Variants in FNIP2 observed in about 807,000 individuals in gnomAD.
FNIP2 encodes the protein folliculin interacting protein 2.
A neutral mutation model predicts 108.7 loss-of-function variants in FNIP2; 32 were observed. That is an observed-to-expected ratio of 0.29 (90% CI 0.22 to 0.40). The LOEUF (loss-of-function observed/expected upper bound fraction) is 0.40. Among genes scored for constraint, FNIP2 ranks in the 10% least tolerant of loss-of-function variants. The probability of loss-of-function intolerance (pLI) is 1.00; values close to 1 mark genes in which losing one functional copy is unlikely to be tolerated. For synonymous variants in FNIP2, 480 were observed against 496.7 expected (o/e 0.97, Z 0.45); for missense variants, 1,202 against 1,381.6 (o/e 0.87, Z 2.06).
At chr4:158,854,819 T>A (rs1485667938) in intron 8 of FNIP2, among the ~76,000 whole-genome samples, 1 of 152,186 alleles carries the variant, frequency 6.6e-6, no homozygotes, top group Non-Finnish European at 1.5e-5. Context: ...CCTCTCTGTA[T>A]GGCATTCCTT....
At position 158,872,673 on chromosome 4, in the gene FNIP2, A is replaced by G. The variant is rs1011568978; in HGVS notation, c.2949+2204A>G. On this transcript the variant is annotated intron_variant, in intron 14 of 16. Transcript: ENST00000264433. The stretch of plus-strand genomic sequence containing the variant: ...TCTAATTTCACTTGACACATTCATC[A>G]TAATGAATTTTGCTTTTGAAGTAGT... The G allele has an allele frequency of 1.6e-5, 16 of 984,880 alleles. No individual in the cohort carries two copies. The Admixed American group carries it at 4.9e-4, about 30-fold the overall frequency. 61.0% of individuals were successfully genotyped at this position (984,880 alleles called of 1,614,324 possible).
chr4:158,889,980 G>A (rs1323559666), intron 14 of FNIP2: 1 of 985,252 alleles, frequency 1.0e-6, no homozygotes, highest in Non-Finnish European at 1.2e-6. Flanking sequence ...TGTGTAAGAA[G>A]CGTAGGGGTG....
At chr4:158,825,296 T>C (rs1778091975) in intron 1 of FNIP2, among the ~76,000 whole-genome samples, 1 of 152,244 alleles carries the variant, frequency 6.6e-6, no homozygotes, top group African/African-American at 2.4e-5. Context: ...GCTTTTGGTT[T>C]GCTTAGAAAC....
intron 7 of FNIP2, among the ~76,000 whole-genome samples, chr4:158,849,617 T>G (rs1370482476): frequency 1.3e-5 from 2 of 152,096 alleles, no homozygotes; most frequent in Non-Finnish European, 2.9e-5. Flanking sequence ...CTAATTAGGA[T>G]GTTTTATTAA....
intron 1 of FNIP2, among the ~76,000 whole-genome samples, chr4:158,824,493 A>G (rs1473127032): frequency 6.6e-6 from 1 of 151,742 alleles, no homozygotes; most frequent in Non-Finnish European, 1.5e-5. Context: ...AACCGGCTCA[A>G]CTCTGTCCTC....
At chr4:158,887,071 T>C (rs1157336124) in intron 14 of FNIP2, among the ~76,000 whole-genome samples, 1 of 152,202 alleles carries the variant, frequency 6.6e-6, no homozygotes, top group Non-Finnish European at 1.5e-5. Flanking sequence ...GTTGTCAGCG[T>C]TGGGGTACAG....
chr4:158,856,495 A>G (rs1355695781), intron 8 of FNIP2, among the ~76,000 whole-genome samples: 1 of 152,232 alleles, frequency 6.6e-6, no homozygotes, highest in East Asian at 1.9e-4. Context: ...AAAAAATTGT[A>G]TGTAGCTGCA....
Position 158,807,280 on chromosome 4 carries a change from T to C in FNIP2, c.108-18636T>C, listed in dbSNP as rs577922372. Among the ~76,000 whole-genome samples the C allele has an allele frequency of 2.0e-5, 3 of 152,256 alleles. No homozygotes were observed. The South Asian group carries it at 6.2e-4, about 32-fold the overall frequency. ...TGGGAAGCTGAGGTGGGAGGATCAC[T>C]TGAGCCTAGGAGTTCAAGACTAGCC... On this transcript the variant is annotated intron_variant, in intron 1 of 16. Transcript: ENST00000264433.
intron 8 of FNIP2, among the ~76,000 whole-genome samples, chr4:158,854,268 C>T (rs532062416): frequency 3.3e-5 from 5 of 152,326 alleles, no homozygotes; most frequent in Non-Finnish European, 7.4e-5. Flanking sequence ...GGACAGGCTC[C>T]GGTGACTGAT....
At chr4:158,861,891 C>T in intron 12 of FNIP2, 115 bp downstream of exon 12, 1 of 1,243,690 alleles carries the variant, frequency 8.0e-7, no homozygotes, top group Non-Finnish European at 1.1e-6. Flanking sequence ...TGTCTTTGGG[C>T]AGATGAGGAA....
intron 13 of FNIP2, 148 bp downstream of exon 13, chr4:158,869,576 T>C (rs1449657189): frequency 3.5e-5 from 42 of 1,213,944 alleles, no homozygotes; most frequent in Non-Finnish European, 4.4e-5. Context: ...TTATTAATTC[T>C]ATACAAACGG....
intron 1 of FNIP2, 51 bp from the exon 2 acceptor site, chr4:158,825,865 A>G: frequency 1.3e-6 from 2 of 1,580,250 alleles, no homozygotes; most frequent in Non-Finnish European, 1.7e-6. Flanking sequence ...GTCTGTGATC[A>G]TCTCATGTGC....
At position 158,868,044 on chromosome 4, in the gene FNIP2, T is replaced by C; in HGVS notation, c.1466-58T>C. On this transcript the variant is annotated intron_variant, in intron 12 of 16. Coordinates refer to ENST00000264433, the MANE Select transcript of FNIP2 (RefSeq NM_020840.3). The surrounding 1 kb of genome is among the most constrained non-coding windows in gnomAD (Gnocchi z 4.6). ...TGTTTTGCTCTTGTAAAGACGGATA[T>C]ATCTGTGACATGCTAACCCCAGAGA... The C allele has an allele frequency of 1.9e-6, 3 of 1,586,222 alleles. No individual in the cohort carries two copies. The highest frequency in any genetic ancestry group is 2.6e-6 in the Non-Finnish European group (3 of 1,165,632).
At chr4:158,817,614 T>G (rs1422490874) in intron 1 of FNIP2, among the ~76,000 whole-genome samples, 2 of 152,218 alleles carry the variant, frequency 1.3e-5, no homozygotes, top group African/African-American at 4.8e-5. Context: ...TGGTGTGATC[T>G]CAGCTCACTG....
At chr4:158,813,768 GT>G (rs1777414466) in intron 1 of FNIP2, among the ~76,000 whole-genome samples, 1 of 152,158 alleles carries the variant, frequency 6.6e-6, no homozygotes, top group East Asian at 1.9e-4. Context: ...AAGGCTGTCT[GT>G]ATTTTCTCCT....
intron 10 of FNIP2, 139 bp from the exon 11 acceptor site, chr4:158,861,203 A>G: frequency 9.6e-7 from 1 of 1,039,586 alleles, no homozygotes. Context: ...CATAGTGTGC[A>G]ACCCCTGTTA....
rs191762060 is a variant in FNIP2, at chr4:158,804,313, T to G, written c.108-21603T>G. 1.8e-4 allele frequency among the ~76,000 whole-genome samples: 28 copies of G among 152,134 alleles called. 1 individual carries two copies. The South Asian group carries it at 5.6e-3, about 30-fold the overall frequency. On this transcript the variant is annotated intron_variant, in intron 1 of 16. Transcript: ENST00000264433. ...GAAAGTATCTGATGGACATCTACCA[T>G]GGATAAAACCTGCATGAGGTACAAA...
At chr4:158,876,366 C>A (rs1781284020) in intron 14 of FNIP2, among the ~76,000 whole-genome samples, 2 of 152,216 alleles carry the variant, frequency 1.3e-5, no homozygotes, top group Admixed American at 6.5e-5. Context: ...AACTCCATAG[C>A]TGGAATTGCC....
chr4:158,830,318 A>G (rs1417565317), intron 3 of FNIP2, among the ~76,000 whole-genome samples: 1 of 129,834 alleles, frequency 7.7e-6, no homozygotes, highest in Non-Finnish European at 1.5e-5. Context: ...TGCGGACTGC[A>G]GTGGCGCAAT....
Sources: allele counts gnomAD v4.1 joint callset (sites outside exome capture counted in the v4.1 genomes callset), GRCh38; gene constraint gnomAD v4.1.1; non-coding constraint Gnocchi (gnomAD v3.1); transcripts MANE v1.5; gene names NCBI Gene and HGNC (gene_info 2026-07-23, HGNC 2026-07-21).